The following LRRC31 variants were observed in gnomAD, a reference collection of about 807,000 sequenced individuals.
LRRC31 encodes leucine-rich repeat-containing protein 31.
A neutral mutation model predicts 46.7 loss-of-function variants in LRRC31; 35 were observed. The ratio of observed to expected loss-of-function variants is 0.75; its 90% CI spans 0.57 to 0.99. The LOEUF (loss-of-function observed/expected upper bound fraction) is 0.99, where lower values mean the gene tolerates loss of function less well. Ranked by LOEUF, LRRC31 falls within the 50% of genes least tolerant of loss-of-function variation. LRRC31 has a pLI of 0.00. For synonymous variants in LRRC31, 236 were observed against 235.1 expected (o/e 1.00, Z -0.03); for missense variants, 613 against 626.1 (o/e 0.98, Z 0.22).
intron 3 of LRRC31, among the ~76,000 whole-genome samples, chr3:169,858,281 G>T (rs559878070): frequency 2.0e-5 from 3 of 152,150 alleles, no homozygotes; most frequent in Non-Finnish European, 4.4e-5. Flanking sequence ...CAACAACAGT[G>T]CAGACTCCCT....
At chr3:169,861,448 A>T (rs563237669) in intron 2 of LRRC31, among the ~76,000 whole-genome samples, 2 of 149,050 alleles carry the variant, frequency 1.3e-5, no homozygotes, top group African/African-American at 4.9e-5. Context: ...TGAACCCGGG[A>T]GGCGGAGCTT....
At position 169,856,889 on chromosome 3, in the gene LRRC31, C is replaced by T. The variant is rs757896632; in HGVS notation, c.488-17G>A. ...ATGCTTCTCCTGTTAACAAATGGCCCGAAAATTCTGTTGGTCACTAGTCAG... is the reference window on the plus strand; with the variant it reads ...ATGCTTCTCCTGTTAACAAATGGCCTGAAAATTCTGTTGGTCACTAGTCAG... On this transcript the variant is annotated splice_polypyrimidine_tract_variant and intron_variant, in intron 3 of 8. Coordinates refer to ENST00000316428, the MANE Select transcript of LRRC31 (RefSeq NM_024727.4). 4.2e-5 allele frequency: 66 copies of T among 1,589,534 alleles called. No individual in the cohort carries two copies. The highest frequency in any genetic ancestry group is 1.7e-4 in the Middle Eastern group (1 of 5,870).
At chr3:169,856,674 C>CTTGT in intron 4 of LRRC31, 31 bp downstream of exon 4, 2 of 1,272,988 alleles carry the variant, frequency 1.6e-6, no homozygotes, top group Admixed American at 2.2e-5. Flanking sequence ...GGCATCTTCA[C>CTTGT]TTTTTTTTTT....
At chr3:169,848,670 G>A (rs766696927) in intron 7 of LRRC31, among the ~76,000 whole-genome samples, 1 of 152,168 alleles carries the variant, frequency 6.6e-6, no homozygotes, top group Non-Finnish European at 1.5e-5. Flanking sequence ...TGTTGCCCAG[G>A]ATGGTCTCGA....
chr3:169,849,733 G>T (rs1023339402), intron 7 of LRRC31, among the ~76,000 whole-genome samples: 10 of 152,170 alleles, frequency 6.6e-5, no homozygotes, highest in South Asian at 2.1e-4. Flanking sequence ...TCTACTGGGG[G>T]TTAGTCATCT....
intron 7 of LRRC31, among the ~76,000 whole-genome samples, chr3:169,850,132 G>A (rs1289435002): frequency 1.3e-5 from 2 of 151,732 alleles, no homozygotes; most frequent in Non-Finnish European, 2.9e-5. Context: ...ACCAGACAAG[G>A]GCTATTATTA....
At chr3:169,852,865 T>C (rs1371140218) in intron 6 of LRRC31, among the ~76,000 whole-genome samples, 2 of 152,234 alleles carry the variant, frequency 1.3e-5, no homozygotes, top group Non-Finnish European at 2.9e-5. Context: ...CTTGTTGATA[T>C]ATTTGTTTTC....
At chr3:169,851,020 T>C (rs1350270963) in intron 7 of LRRC31, among the ~76,000 whole-genome samples, 1 of 152,122 alleles carries the variant, frequency 6.6e-6, no homozygotes, top group East Asian at 1.9e-4. Context: ...GGCTGGGGTA[T>C]ATCTGTGACC....
At chr3:169,864,675 A>C (rs1360040701) in intron 1 of LRRC31, among the ~76,000 whole-genome samples, 2 of 152,270 alleles carry the variant, frequency 1.3e-5, no homozygotes, top group African/African-American at 4.8e-5. Flanking sequence ...TTACCAAAAT[A>C]AATCATCATG....
chr3:169,859,623 C>T (rs933439303), intron 3 of LRRC31, among the ~76,000 whole-genome samples: 1 of 152,170 alleles, frequency 6.6e-6, no homozygotes, highest in African/African-American at 2.4e-5. Flanking sequence ...TGACTGTGTA[C>T]AAATTTAATC....
In LRRC31 at chr3:169,860,737, G is replaced by A. The variant is rs1781128228; in HGVS notation, c.320-9C>T. On this transcript the variant is annotated splice_polypyrimidine_tract_variant and intron_variant, in intron 2 of 8. Transcript: ENST00000316428. Reference sequence around the variant, plus strand: ...AAAAGGCAGCAAGGCAACTAGAAGTGAACAGAAGAAAATACAGATATGTGT... The same window carrying A: ...AAAAGGCAGCAAGGCAACTAGAAGTAAACAGAAGAAAATACAGATATGTGT... 6.2e-7 allele frequency: 1 copy of A among 1,612,706 alleles called. No individual in the cohort carries two copies. Among genetic ancestry groups the A allele is most frequent in the Non-Finnish European group, 8.5e-7 (1 of 1,178,918 alleles).
At chr3:169,859,025 GGT>G (rs1402042018) in intron 3 of LRRC31, among the ~76,000 whole-genome samples, 5 of 133,482 alleles carry the variant, frequency 3.7e-5, no homozygotes, top group East Asian at 4.4e-4. Context: ...AAAGGGGGGG[GGT>G]GGGGGATGGG....
At position 169,839,799 on chromosome 3, in the gene LRRC31, T is replaced by G. The variant is rs891243288; in HGVS notation, c.*183A>C. 2 of 198,992 alleles carry G rather than the reference T, an allele frequency of 1.0e-5. No homozygotes were observed. The highest frequency in any genetic ancestry group is 4.7e-5 in the African/African-American group (2 of 42,202). The allele number at this position is 198,992 out of a possible 1,614,324, so 12.3% of individuals were successfully genotyped here. ...ATGTGTATTATATATGTATATTATA[T>G]ATATGTGTATATATGTATATTACAT... On this transcript the variant is annotated 3_prime_UTR_variant, in exon 9 of 9. Transcript: ENST00000316428.
At chr3:169,841,094 C>G (rs903523004) in intron 8 of LRRC31, among the ~76,000 whole-genome samples, 3 of 152,164 alleles carry the variant, frequency 2.0e-5, no homozygotes, top group African/African-American at 7.2e-5. Flanking sequence ...GAGAGAAATC[C>G]TTTTCACAGC....
At chr3:169,848,699 G>A (rs538803563) in intron 7 of LRRC31, among the ~76,000 whole-genome samples, 3 of 152,242 alleles carry the variant, frequency 2.0e-5, no homozygotes, top group South Asian at 4.2e-4. Flanking sequence ...CTCAGGATCC[G>A]CCAGCCTTGG....
chr3:169,848,069 G>A (rs754249227), intron 8 of LRRC31, 51 bp downstream of exon 8: 39 of 1,564,894 alleles, frequency 2.5e-5, no homozygotes, highest in South Asian at 1.0e-4. Context: ...TGCAGGGGCC[G>A]CACCCACTGC....
chr3:169,844,948 A>AT (rs1780560770), intron 8 of LRRC31, among the ~76,000 whole-genome samples: 1 of 138,014 alleles, frequency 7.2e-6, no homozygotes, highest in South Asian at 2.4e-4. Flanking sequence ...AAAAAAAAAA[A>AT]CAAAACAAAA....
intron 3 of LRRC31, among the ~76,000 whole-genome samples, chr3:169,858,862 C>T (rs1361254807): frequency 6.6e-6 from 1 of 151,912 alleles, no homozygotes; most frequent in Non-Finnish European, 1.5e-5. Flanking sequence ...AAAAATTAGC[C>T]AGGCATGGTG....
Position 169,840,317 on chromosome 3 carries a change from G to A in LRRC31, c.1328-4C>T. ...TGACCCGTCTGTATGACCGATGCTG[G>A]AAAACAGAATCACTCTAAATGCTAA... On this transcript the variant is annotated splice_region_variant and splice_polypyrimidine_tract_variant and intron_variant, in intron 8 of 8. Coordinates refer to ENST00000316428, the MANE Select transcript of LRRC31 (RefSeq NM_024727.4). 6 of 1,613,944 alleles carry A rather than the reference G, an allele frequency of 3.7e-6. No individual in the cohort carries two copies. The highest frequency in any genetic ancestry group is 4.2e-6 in the Non-Finnish European group (5 of 1,179,944).
Sources: allele counts gnomAD v4.1 joint callset (sites outside exome capture counted in the v4.1 genomes callset), GRCh38; gene constraint gnomAD v4.1.1; transcripts MANE v1.5; gene names NCBI Gene and HGNC (gene_info 2026-07-23, HGNC 2026-07-21).